Variants in CAPZA1 observed in about 807,000 individuals in gnomAD.
CAPZA1 encodes the protein capping actin protein of muscle Z-line subunit alpha 1.
CAPZA1 carries 10 observed loss-of-function variants against 40.8 expected under a neutral mutation model. That is an observed-to-expected ratio of 0.25 (90% CI 0.15 to 0.42). CAPZA1 has a LOEUF of 0.42. Ranked by LOEUF, CAPZA1 falls within the 10% of genes least tolerant of loss-of-function variation. The pLI, the probability that CAPZA1 is intolerant of heterozygous loss-of-function variation, is 1.00. For missense variants in CAPZA1, 277 were observed against 353.8 expected (o/e 0.78, Z 1.74); for synonymous variants, 98 against 115.0 (o/e 0.85, Z 0.95).
intron 7 of CAPZA1, among the ~76,000 whole-genome samples, chr1:112,663,702 A>G (rs900350790): frequency 6.6e-6 from 1 of 151,500 alleles, no homozygotes; most frequent in Non-Finnish European, 1.5e-5. Context: ...ACAGGGTTTC[A>G]CCATGTTGGT....
intron 1 of CAPZA1, among the ~76,000 whole-genome samples, chr1:112,628,670 A>G (rs768728611): frequency 6.6e-6 from 1 of 152,230 alleles, no homozygotes. Flanking sequence ...TTCATTTGTT[A>G]TCACATTACT....
Position 112,649,423 on chromosome 1 carries a change from C to G in CAPZA1, c.109C>G (p.Arg37Gly). 1 of 1,611,944 alleles carries G rather than the reference C, an allele frequency of 6.2e-7. No homozygotes were observed. Among genetic ancestry groups the G allele is most frequent in the Non-Finnish European group, 8.5e-7 (1 of 1,178,392 alleles). The change falls in exon 3 of 10, where the codon CGG becomes GGG. Residue 37 changes from arginine to glycine, a missense_variant. Physicochemically the swap from Arg to Gly is moderately radical, Grantham distance 125. Coordinates refer to ENST00000263168, the MANE Select transcript of CAPZA1 (RefSeq NM_006135.3). ...GEFNEVFNDV[R>G]LLLNNDNLLR... The stretch of plus-strand genomic sequence containing the variant: ...GTAACATTTTTCCTCCTCAGACGTT[C>G]GGCTACTACTTAATAATGACAATCT...
intron 1 of CAPZA1, among the ~76,000 whole-genome samples, chr1:112,639,870 GGTCAGCCCCCCACCC>G: frequency 7.2e-6 from 1 of 138,948 alleles, no homozygotes; most frequent in African/African-American, 2.6e-5. Flanking sequence ...GAGGTGGGGG[GGTCAGCCCCCCACCC>G]GGCCAGCCGC....
chr1:112,630,462 G>A (rs1431928002), intron 1 of CAPZA1, among the ~76,000 whole-genome samples: 1 of 151,980 alleles, frequency 6.6e-6, no homozygotes, highest in Non-Finnish European at 1.5e-5. Context: ...TCCTGTCTCA[G>A]CCTCCCGAGT....
intron 5 of CAPZA1, among the ~76,000 whole-genome samples, chr1:112,658,527 AAT>A (rs1671540962): frequency 6.6e-6 from 1 of 152,200 alleles, no homozygotes; most frequent in South Asian, 2.1e-4. Context: ...ATTCTCCCAC[AAT>A]ATTAGTTCTA....
chr1:112,662,401 T>TC (rs1338243641), intron 7 of CAPZA1, among the ~76,000 whole-genome samples: 74 of 139,672 alleles, frequency 5.3e-4, no homozygotes, highest in South Asian at 1.2e-3. Flanking sequence ...TTTTCTTTTT[T>TC]TTTTTTTTTT....
chr1:112,663,569 T>C (rs1386509052), intron 7 of CAPZA1, among the ~76,000 whole-genome samples: 1 of 151,852 alleles, frequency 6.6e-6, no homozygotes, highest in Non-Finnish European at 1.5e-5. Context: ...TGGTGCAATC[T>C]CAGTTCACTG....
intron 2 of CAPZA1, among the ~76,000 whole-genome samples, chr1:112,648,355 T>TG (rs1671321384): frequency 6.8e-6 from 1 of 147,792 alleles, no homozygotes; most frequent in African/African-American, 2.5e-5. Flanking sequence ...TTCTTTTTTT[T>TG]TTTTTTTTTT....
intron 1 of CAPZA1, among the ~76,000 whole-genome samples, chr1:112,644,624 C>T (rs1302018880): frequency 6.6e-6 from 1 of 151,994 alleles, no homozygotes; most frequent in Admixed American, 6.6e-5. Flanking sequence ...AGAAATAAGG[C>T]TCAGTTTATT....
In CAPZA1 at chr1:112,623,630, G is replaced by A. The variant is rs748928083; in HGVS notation, c.39+3747G>A. Among the ~76,000 whole-genome samples the A allele has an allele frequency of 1.0e-4, 15 of 150,470 alleles. No individual in the cohort carries two copies. The South Asian group carries it at 2.3e-3, about 23-fold the overall frequency. ...TGGGAGGCGGAGGTTGCGGTGACCC[G>A]AGATCACGCCATTGCACTCCAGCCT... On this transcript the variant is annotated intron_variant, in intron 1 of 9. Coordinates refer to ENST00000263168, the MANE Select transcript of CAPZA1 (RefSeq NM_006135.3).
At chr1:112,659,297 G>A (rs997028173) in intron 6 of CAPZA1, 196 bp downstream of exon 6, 3 of 569,634 alleles carry the variant, frequency 5.3e-6, no homozygotes, top group African/African-American at 3.8e-5. Flanking sequence ...CTTATTTTGA[G>A]TGAGAACAAG....
chr1:112,633,465 C>T (rs1177707104), intron 1 of CAPZA1, among the ~76,000 whole-genome samples: 1 of 151,608 alleles, frequency 6.6e-6, no homozygotes, highest in Non-Finnish European at 1.5e-5. Context: ...GTGTATATAA[C>T]ACATTTTCTT....
intron 1 of CAPZA1, among the ~76,000 whole-genome samples, chr1:112,645,736 C>CAAAAAAAA: frequency 1.9e-5 from 2 of 107,008 alleles, no homozygotes; most frequent in Non-Finnish European, 4.0e-5. Context: ...CTTGCCAGTG[C>CAAAAAAAA]AAAAAAAAAA....
intron 1 of CAPZA1, chr1:112,620,393 G>A (rs1407020814): frequency 2.6e-5 from 4 of 153,122 alleles, no homozygotes; most frequent in Admixed American, 1.3e-4. Context: ...TCTTCGACAA[G>A]GAGAGGTCCC....
At chr1:112,653,309 A>C (rs1671434024) in intron 3 of CAPZA1, among the ~76,000 whole-genome samples, 1 of 152,144 alleles carries the variant, frequency 6.6e-6, no homozygotes, top group East Asian at 1.9e-4. Flanking sequence ...AAACAAACCA[A>C]CTTTGGAATT....
chr1:112,628,725 T>C (rs1670861810), intron 1 of CAPZA1, among the ~76,000 whole-genome samples: 1 of 152,246 alleles, frequency 6.6e-6, no homozygotes, highest in South Asian at 2.1e-4. Context: ...AAATTTTGCA[T>C]ACTGCAGCTT....
intron 1 of CAPZA1, among the ~76,000 whole-genome samples, chr1:112,627,658 A>AG (rs1670840406): frequency 1.4e-5 from 2 of 146,574 alleles, no homozygotes; most frequent in Non-Finnish European, 1.5e-5. Flanking sequence ...AAAAAAAAAA[A>AG]AAAAAAAAGA....
intron 1 of CAPZA1, among the ~76,000 whole-genome samples, chr1:112,627,062 A>T (rs1300360621): frequency 6.6e-6 from 1 of 152,240 alleles, no homozygotes; most frequent in Non-Finnish European, 1.5e-5. Context: ...ACAGATACTT[A>T]TGCCCATTTT....
intron 1 of CAPZA1, among the ~76,000 whole-genome samples, chr1:112,624,104 G>A (rs1460394934): frequency 6.6e-6 from 1 of 151,702 alleles, no homozygotes; most frequent in Non-Finnish European, 1.5e-5. Flanking sequence ...AGTCTTGTTA[G>A]TAGTACTGAT....
Sources: allele counts gnomAD v4.1 joint callset (sites outside exome capture counted in the v4.1 genomes callset), GRCh38; gene constraint gnomAD v4.1.1; transcripts MANE v1.5; gene names NCBI Gene and HGNC (gene_info 2026-07-23, HGNC 2026-07-21).